The following ZNF823 variants were observed in gnomAD, a reference collection of about 807,000 sequenced individuals.
ZNF823 encodes zinc finger protein 823.
ZNF823 carries 5 observed loss-of-function variants against 11.4 expected under a neutral mutation model. The ratio of observed to expected loss-of-function variants is 0.44; its 90% CI spans 0.23 to 0.92. The LOEUF is 0.92. Among genes scored for constraint, ZNF823 ranks in the 40% least tolerant of loss-of-function variants. The pLI is 0.24. For missense variants in ZNF823, 582 were observed against 738.5 expected (o/e 0.79, Z 2.46); for synonymous variants, 234 against 250.5 (o/e 0.93, Z 0.62).
At chr19:11,732,272 C>T (rs1236119789) in intron 1 of ZNF823, among the ~76,000 whole-genome samples, 1 of 151,378 alleles carries the variant, frequency 6.6e-6, no homozygotes, top group African/African-American at 2.4e-5. Flanking sequence ...TCACGCCATT[C>T]TCCTGCCTCA....
At chr19:11,729,821 T>G (rs141008915) in intron 1 of ZNF823, among the ~76,000 whole-genome samples, 33 of 152,288 alleles carry the variant, frequency 2.2e-4, no homozygotes, top group African/African-American at 7.2e-4. Flanking sequence ...AGGCATTAGG[T>G]CACCTTGTAC....
At position 11,722,954 on chromosome 19, in the gene ZNF823, A is replaced by G. The variant is rs1462464970; in HGVS notation, c.580T>C (p.Cys194Arg). The change falls in exon 4 of 4, where the codon TGT (cysteine) becomes CGT (arginine). Residue 194 changes from cysteine to arginine, a missense_variant. Transcript: ENST00000341191. This position sits in a 1 kb window ranked among gnomAD's most constrained non-coding sequence, Gnocchi z 5.2. ...AAHHGDGPYKCKLCGKAFVWP... is the reference protein window; with the variant it reads ...AAHHGDGPYKRKLCGKAFVWP... ...ACAAAGGCTTTCCCACACAACTTAC[A>G]TTTATAAGGTCCATCTCCATGGTGT... 1 of 1,614,190 alleles carries G rather than the reference A, an allele frequency of 6.2e-7. No homozygotes were observed. The highest frequency in any genetic ancestry group is 2.2e-5 in the East Asian group (1 of 44,890).
chr19:11,734,960 T>C (rs1405708208), intron 1 of ZNF823, among the ~76,000 whole-genome samples: 1 of 152,156 alleles, frequency 6.6e-6, no homozygotes, highest in Non-Finnish European at 1.5e-5. Flanking sequence ...ATTTCTAATA[T>C]TGTTTGCTCT....
intron 1 of ZNF823, among the ~76,000 whole-genome samples, chr19:11,735,295 A>C (rs1289368507): frequency 6.6e-6 from 1 of 151,740 alleles, no homozygotes; most frequent in Non-Finnish European, 1.5e-5. Flanking sequence ...AAAAAAAAAA[A>C]AAAAAGAAAA....
Position 11,724,262 on chromosome 19 carries a change from G to T in ZNF823, c.131-8C>A. On this transcript the variant is annotated splice_region_variant and splice_polypyrimidine_tract_variant and intron_variant, in intron 2 of 3. Transcript: ENST00000341191. ...GGTCCTCCCATTTCATTTCTAAAAG[G>T]TAGACCCAGGAAAATCACTAAAAAT... The T allele has an allele frequency of 1.3e-6, 2 of 1,594,792 alleles. No homozygotes were observed. Among genetic ancestry groups the T allele is most frequent in the Non-Finnish European group, 1.7e-6 (2 of 1,173,812 alleles).
chr19:11,738,874 C>A lies in ZNF823; in HGVS notation c.-55G>T. 9 of 1,588,782 alleles carry A rather than the reference C, an allele frequency of 5.7e-6. No homozygotes were observed. The highest frequency in any genetic ancestry group is 6.8e-6 in the Non-Finnish European group (8 of 1,168,032). On this transcript the variant is annotated 5_prime_UTR_variant, in exon 1 of 4. Transcript: ENST00000341191. ...CCTTAAAAGCCAGTGTGGGTCCCAG[C>A]GCGACAGACGCTGATACAGACCTTC...
rs570106383 is a variant in ZNF823 at position 11,723,484 on chromosome 19, G to T, written c.192-142C>A. 19 of 694,208 alleles carry T rather than the reference G, an allele frequency of 2.7e-5. No homozygotes were observed. In the South Asian group the frequency reaches 2.8e-4, roughly 10 times the overall value. The allele number at this position is 694,208 out of a possible 1,614,324, so 43.0% of individuals were successfully genotyped here. On this transcript the variant is annotated intron_variant, in intron 3 of 3. Coordinates refer to ENST00000341191, the MANE Select transcript of ZNF823 (RefSeq NM_001080493.4). ...TTTGAATGTGAAGTGACAGTGCTGT[G>T]TAAGATGGTCCCATCACAGCTATTA... is the stretch of plus-strand genomic sequence containing the variant.
At chr19:11,724,145 T>C in intron 3 of ZNF823, 49 bp downstream of exon 3, 1 of 1,460,786 alleles carries the variant, frequency 6.8e-7, no homozygotes. Context: ...TTCTTATCAT[T>C]CTATGAACCA....
chr19:11,725,317 G>A lies in ZNF823; in HGVS notation c.14C>T (p.Ala5Val). The A allele has an allele frequency of 6.2e-7, 1 of 1,613,924 alleles. No individual in the cohort carries two copies. Among genetic ancestry groups the A allele is most frequent in the Non-Finnish European group, 8.5e-7 (1 of 1,179,876 alleles). The change falls in exon 2 of 4, where the codon GCC becomes GTC. Residue 5 changes from alanine to valine, a missense_variant. Physicochemically the swap from Ala to Val is moderately conservative, Grantham distance 64. Coordinates refer to ENST00000341191, the MANE Select transcript of ZNF823 (RefSeq NM_001080493.4). MDSV[A>V]FEDVAVNFTQ... ...GAAGTTCACAGCCACATCTTCAAAG[G>A]CCACTGAGTCCTGAAACATCCCACA... is the stretch of plus-strand genomic sequence containing the variant.
At chr19:11,728,765 G>A (rs369962112) in intron 1 of ZNF823, among the ~76,000 whole-genome samples, 1 of 152,116 alleles carries the variant, frequency 6.6e-6, no homozygotes, top group African/African-American at 2.4e-5. Flanking sequence ...TCAAGTATAA[G>A]AATAGAAAAC....
chr19:11,723,699 C>T lies in ZNF823; in HGVS notation c.192-357G>A, dbSNP rs560036598. ...TAGCTGGGATTACAGGCATGCGCCACCACGCCCTGCTAATTTTGTATTTTT... is the reference window on the plus strand; with the variant it reads ...TAGCTGGGATTACAGGCATGCGCCATCACGCCCTGCTAATTTTGTATTTTT... On this transcript the variant is annotated intron_variant, in intron 3 of 3. Coordinates refer to ENST00000341191, the MANE Select transcript of ZNF823 (RefSeq NM_001080493.4). Among the ~76,000 whole-genome samples the T allele has an allele frequency of 2.6e-5, 4 of 152,336 alleles. No homozygotes were observed. The South Asian group carries it at 8.3e-4, about 32-fold the overall frequency.
At chr19:11,737,570 T>A (rs895734758) in intron 1 of ZNF823, among the ~76,000 whole-genome samples, 1 of 118,336 alleles carries the variant, frequency 8.5e-6, no homozygotes, top group Non-Finnish European at 1.8e-5. Flanking sequence ...CTTTTTTTTT[T>A]TTTTTTTTTT....
chr19:11,721,702 TAG>T lies in ZNF823; in HGVS notation c.1830_1831del (p.Ter611AsnfsTer12), dbSNP rs1380585984. 3 of 1,605,794 alleles carry T rather than the reference TAG, an allele frequency of 1.9e-6. No individual in the cohort carries two copies. The African/African-American group carries it at 4.0e-5, about 22-fold the overall frequency. On this transcript the variant is annotated frameshift_variant and stop_lost, in exon 4 of 4. Transcript: ENST00000341191. LOFTEE classifies it high-confidence loss of function. ...AATGTTTTCCCACATTCCATACATTTAGAGAGTATCTTTCCAGTGAGTCCTTT... is the reference window on the plus strand; with the variant it reads ...AATGTTTTCCCACATTCCATACATTTAGAGTATCTTTCCAGTGAGTCCTTT...
chr19:11,729,175 A>T (rs1230947026), intron 1 of ZNF823, among the ~76,000 whole-genome samples: 1 of 49,272 alleles, frequency 2.0e-5, no homozygotes, highest in African/African-American at 8.4e-5. Context: ...ACTCTGTCTC[A>T]AAAAAAAAAA....
chr19:11,728,024 ATG>A (rs1974825901), intron 1 of ZNF823, among the ~76,000 whole-genome samples: 1 of 152,054 alleles, frequency 6.6e-6, no homozygotes, highest in Non-Finnish European at 1.5e-5. Flanking sequence ...CTACAGGCAC[ATG>A]CCACCACGAT....
At position 11,727,447 on chromosome 19, in the gene ZNF823, C is replaced by T. The variant is rs184014117; in HGVS notation, c.4-2120G>A. Among the ~76,000 whole-genome samples the T allele has an allele frequency of 1.1e-4, 17 of 152,032 alleles. No homozygotes were observed. The East Asian group carries it at 3.1e-3, about 28-fold the overall frequency. On this transcript the variant is annotated intron_variant, in intron 1 of 3. Transcript: ENST00000341191. ...ATCGCTTGAACCTGGGAGGCGGATA[C>T]TGCAATGAGCCAAGATCATGCCACT...
intron 1 of ZNF823, among the ~76,000 whole-genome samples, chr19:11,731,932 C>T (rs534172828): frequency 6.6e-6 from 1 of 150,898 alleles, no homozygotes; most frequent in African/African-American, 2.4e-5. Context: ...TCGTTTGAAC[C>T]CGTGAGGCAG....
chr19:11,738,898 T>C lies in ZNF823; in HGVS notation c.-79A>G, dbSNP rs771599142. 5.2e-5 allele frequency: 79 copies of C among 1,531,642 alleles called. No homozygotes were observed. The highest frequency in any genetic ancestry group is 6.9e-5 in the Non-Finnish European group (78 of 1,136,244). 94.9% of individuals were successfully genotyped at this position (1,531,642 alleles called of 1,614,324 possible). On this transcript the variant is annotated 5_prime_UTR_variant, in exon 1 of 4. Coordinates refer to ENST00000341191, the MANE Select transcript of ZNF823 (RefSeq NM_001080493.4). ...GCGCGACAGACGCTGATACAGACCT[T>C]CCAGGGCGTCTCTCTCTCAGCGCCA...
intron 1 of ZNF823, among the ~76,000 whole-genome samples, chr19:11,727,212 A>G (rs1046960015): frequency 2.6e-5 from 4 of 152,134 alleles, no homozygotes; most frequent in Admixed American, 6.6e-5. Flanking sequence ...ATATCTGAAA[A>G]GGTTAAAAAC....
Sources: allele counts gnomAD v4.1 joint callset (sites outside exome capture counted in the v4.1 genomes callset), GRCh38; gene constraint gnomAD v4.1.1; non-coding constraint Gnocchi (gnomAD v3.1); transcripts MANE v1.5; gene names NCBI Gene and HGNC (gene_info 2026-07-23, HGNC 2026-07-21).